Variants in MAPK4 observed in about 807,000 individuals in gnomAD.
The protein encoded by MAPK4 is mitogen-activated protein kinase 4, also known as Erk3-related.
In MAPK4, 22 loss-of-function variants were observed where a neutral mutation model predicts 47.7. The observed-to-expected ratio is 0.46, with a 90% CI of 0.33 to 0.66. The LOEUF (loss-of-function observed/expected upper bound fraction) is 0.66. Ranked by LOEUF, MAPK4 falls within the 30% of genes least tolerant of loss-of-function variation. The pLI is 0.02. For missense variants in MAPK4, 736 were observed against 831.7 expected, an observed-to-expected ratio of 0.88 and a Z score of 1.42; for synonymous variants, 390 against 365.7, an observed-to-expected ratio of 1.07 and a Z score of -0.76.
intron 1 of MAPK4, among the ~76,000 whole-genome samples, chr18:50,643,928 T>C (rs577261325): frequency 1.3e-5 from 2 of 152,306 alleles, no homozygotes; most frequent in South Asian, 4.2e-4. Flanking sequence ...GTCCTCTGAC[T>C]GTTCCCGTCC....
At chr18:50,697,438 G>T (rs1909573352) in intron 2 of MAPK4, among the ~76,000 whole-genome samples, 1 of 152,160 alleles carries the variant, frequency 6.6e-6, no homozygotes, top group African/African-American at 2.4e-5. Flanking sequence ...TTCAATAAAT[G>T]TATTCATTGA....
intron 1 of MAPK4, among the ~76,000 whole-genome samples, chr18:50,628,490 T>C (rs2042801269): frequency 6.6e-6 from 1 of 152,258 alleles, no homozygotes; most frequent in African/African-American, 2.4e-5. Flanking sequence ...CGCAACGCCT[T>C]ATCCAAGTAG....
At chr18:50,615,304 A>G (rs2042675531) in intron 1 of MAPK4, among the ~76,000 whole-genome samples, 1 of 152,152 alleles carries the variant, frequency 6.6e-6, no homozygotes, top group African/African-American at 2.4e-5. Flanking sequence ...AGTTGTTTAA[A>G]CAATTCAGAA....
At chr18:50,723,438 C>T (rs1172135649) in intron 4 of MAPK4, among the ~76,000 whole-genome samples, 2 of 152,180 alleles carry the variant, frequency 1.3e-5, no homozygotes, top group Non-Finnish European at 2.9e-5. Flanking sequence ...TCACATGGGA[C>T]ATGACTGCTG....
At chr18:50,602,044 A>G (rs1344327579) in intron 1 of MAPK4, among the ~76,000 whole-genome samples, 1 of 152,194 alleles carries the variant, frequency 6.6e-6, no homozygotes, top group East Asian at 1.9e-4. Context: ...CCTAGCTGGT[A>G]TGATCCAGCT....
chr18:50,689,672 G>A (rs1435304133), intron 2 of MAPK4, among the ~76,000 whole-genome samples: 1 of 152,170 alleles, frequency 6.6e-6, no homozygotes, highest in Non-Finnish European at 1.5e-5. Context: ...AATCGCTTGA[G>A]CCCAGGAGTT....
chr18:50,709,070 T>C (rs930399550), intron 2 of MAPK4, among the ~76,000 whole-genome samples: 1 of 152,198 alleles, frequency 6.6e-6, no homozygotes, highest in African/African-American at 2.4e-5. Context: ...GCTCCTCTTC[T>C]ACATGACAGC....
chr18:50,563,774 A>G (rs1056775938), intron 1 of MAPK4, among the ~76,000 whole-genome samples: 5 of 152,012 alleles, frequency 3.3e-5, no homozygotes, highest in South Asian at 2.1e-4. Flanking sequence ...AGGGCCTGCT[A>G]TGCTCTCTTC....
At chr18:50,613,131 C>A (rs894847138) in intron 1 of MAPK4, among the ~76,000 whole-genome samples, 1 of 152,176 alleles carries the variant, frequency 6.6e-6, no homozygotes, top group African/African-American at 2.4e-5. Flanking sequence ...CCTGTATAAT[C>A]CTCTCCCTTG....
At chr18:50,607,456 G>A (rs767174047) in intron 1 of MAPK4, among the ~76,000 whole-genome samples, 1 of 152,068 alleles carries the variant, frequency 6.6e-6, no homozygotes, top group Non-Finnish European at 1.5e-5. Context: ...TGTCCCCTTT[G>A]CTACTTTGAT....
chr18:50,729,749 C>G lies in MAPK4; in HGVS notation c.1659C>G (p.Pro553=). ...ISRALKLCTK[P]EDLPDNKLGD... ...GCGCCCTGAAGCTCTGCACCAAGCCCGAGGACCTGCCGGACAATAAACTGG... is the reference window on the plus strand; with the variant it reads ...GCGCCCTGAAGCTCTGCACCAAGCCGGAGGACCTGCCGGACAATAAACTGG... Residue 553 remains proline, a synonymous_variant, in exon 6 of 6, where the codon CCC becomes CCG. Coordinates refer to ENST00000400384, the MANE Select transcript of MAPK4 (RefSeq NM_002747.4). The G allele has an allele frequency of 6.2e-7, 1 of 1,607,008 alleles. No individual in the cohort carries two copies. Among genetic ancestry groups the G allele is most frequent in the African/African-American group, 1.3e-5 (1 of 75,010 alleles).
intron 2 of MAPK4, among the ~76,000 whole-genome samples, chr18:50,666,987 C>G (rs1907638634): frequency 6.6e-6 from 1 of 152,242 alleles, no homozygotes; most frequent in Admixed American, 6.5e-5. Flanking sequence ...CAAGCTTACA[C>G]AGCTGATATG....
intron 1 of MAPK4, among the ~76,000 whole-genome samples, chr18:50,660,607 A>G (rs1343132505): frequency 6.6e-6 from 1 of 152,240 alleles, no homozygotes; most frequent in Admixed American, 6.5e-5. Context: ...TGTATGGTAA[A>G]TGCCAAACAC....
intron 2 of MAPK4, among the ~76,000 whole-genome samples, chr18:50,683,407 G>A (rs1471820779): frequency 6.6e-6 from 1 of 151,728 alleles, no homozygotes; most frequent in Non-Finnish European, 1.5e-5. Flanking sequence ...ACAAGCTTGA[G>A]CTACCACTCC....
intron 1 of MAPK4, among the ~76,000 whole-genome samples, chr18:50,654,303 G>C (rs2043083809): frequency 6.6e-6 from 1 of 152,220 alleles, no homozygotes; most frequent in Non-Finnish European, 1.5e-5. Context: ...TGGGCTCACA[G>C]AGTTATCTCC....
At chr18:50,665,931 T>G (rs933089675) in intron 2 of MAPK4, among the ~76,000 whole-genome samples, 23 of 152,222 alleles carry the variant, frequency 1.5e-4, no homozygotes, top group African/African-American at 5.5e-4. Flanking sequence ...TTGAACTGCT[T>G]CTTTTTTCTC....
rs1056364813 is a variant in MAPK4, at chr18:50,703,299, C to T, written c.547-11780C>T. 2.0e-5 allele frequency among the ~76,000 whole-genome samples: 3 copies of T among 152,220 alleles called. No homozygotes were observed. In the East Asian group the frequency reaches 5.8e-4, roughly 29 times the overall value. On this transcript the variant is annotated intron_variant, in intron 2 of 5. Coordinates refer to ENST00000400384, the MANE Select transcript of MAPK4 (RefSeq NM_002747.4). ...TCCTTCCTCCAGTAACCTGCACTCTCCACCTTGCCCAGCCTCCCTTTCCTA... is the reference window on the plus strand; with the variant it reads ...TCCTTCCTCCAGTAACCTGCACTCTTCACCTTGCCCAGCCTCCCTTTCCTA...
intron 2 of MAPK4, among the ~76,000 whole-genome samples, chr18:50,683,594 T>A (rs1189634380): frequency 6.6e-6 from 1 of 152,128 alleles, no homozygotes; most frequent in African/African-American, 2.4e-5. Flanking sequence ...TTAACAAATA[T>A]TTGAATGCCA....
intron 1 of MAPK4, among the ~76,000 whole-genome samples, chr18:50,639,132 C>G (rs2042916238): frequency 6.6e-6 from 1 of 152,162 alleles, no homozygotes; most frequent in African/African-American, 2.4e-5. Context: ...TTTCAGAAAC[C>G]TGGGGAATGG....
Sources: gnomAD v4.1 joint callset for allele counts (sites outside exome capture counted in the v4.1 genomes callset) on GRCh38, gnomAD v4.1.1 for gene constraint, MANE v1.5 for transcripts, NCBI Gene and HGNC (gene_info 2026-07-23, HGNC 2026-07-21) for gene names.